The following MYO1E variants were observed in gnomAD, a reference collection of about 807,000 sequenced individuals.
MYO1E encodes the protein myosin IE.
In MYO1E, 68 loss-of-function variants were observed where a neutral mutation model predicts 151.1. That is an observed-to-expected ratio of 0.45 (90% CI 0.37 to 0.55). The LOEUF (loss-of-function observed/expected upper bound fraction) is 0.55. Among genes scored for constraint, MYO1E ranks in the 20% least tolerant of loss-of-function variants. The pLI is 0.00. For synonymous variants in MYO1E, 601 were observed against 501.7 expected (o/e 1.20, Z -2.64); for missense variants, 1,363 against 1,389.3 (o/e 0.98, Z 0.30).
chr15:59,173,773 T>C lies in MYO1E; in HGVS notation c.2307A>G (p.Thr769=), dbSNP rs1388337834. Residue 769 remains threonine, a synonymous_variant, in exon 21 of 28, where the codon ACA becomes ACG. Transcript: ENST00000288235. ...TGAACCTCCTGTCATACTTGGTGAC[T>C]GTGTCTGCGAAATCAATCTTCTCCC... ...GKREKIDFAD[T]VTKYDRRFKG... The C allele has an allele frequency of 1.9e-6, 3 of 1,614,098 alleles. No homozygotes were observed. Among genetic ancestry groups the C allele is most frequent in the Non-Finnish European group, 2.5e-6 (3 of 1,180,040 alleles).
chr15:59,339,726 A>G (rs890110112), intron 1 of MYO1E, among the ~76,000 whole-genome samples: 15 of 152,214 alleles, frequency 9.9e-5, no homozygotes, highest in African/African-American at 3.6e-4. Flanking sequence ...TGGTGGCTCC[A>G]GCCTGTAATC....
At chr15:59,339,887 G>A (rs1327465191) in intron 1 of MYO1E, among the ~76,000 whole-genome samples, 5 of 145,640 alleles carry the variant, frequency 3.4e-5, no homozygotes, top group African/African-American at 1.0e-4. Context: ...TTGCTCTGTC[G>A]CCTAGCCTGG....
intron 2 of MYO1E, among the ~76,000 whole-genome samples, chr15:59,262,539 G>A (rs2080230320): frequency 6.6e-6 from 1 of 151,984 alleles, no homozygotes; most frequent in South Asian, 2.1e-4. Flanking sequence ...GAGGCGGGAG[G>A]ATTGCTTGAG....
At chr15:59,212,372 C>T (rs1485745255) in intron 12 of MYO1E, among the ~76,000 whole-genome samples, 4 of 152,042 alleles carry the variant, frequency 2.6e-5, no homozygotes, top group Non-Finnish European at 4.4e-5. Flanking sequence ...CAGAAGGTCA[C>T]GTGAAACCCC....
intron 4 of MYO1E, among the ~76,000 whole-genome samples, chr15:59,242,758 A>ACCTAGC (rs2080107715): frequency 6.6e-6 from 1 of 151,962 alleles, no homozygotes; most frequent in Admixed American, 6.6e-5. Flanking sequence ...ATGAGAAGAA[A>ACCTAGC]CCTAGCAGAT....
In MYO1E at chr15:59,178,403, G is replaced by A. The variant is rs1318666308; in HGVS notation, c.2039C>T (p.Ala680Val). Residue 680 changes from alanine (A) to valine (V), a missense_variant, in exon 19 of 28, where the codon GCC becomes GTC. Transcript: ENST00000288235. ...QLGRSKVFIK[A>V]PESLFLLEEM... Reference sequence around the variant, plus strand: ...CAGCCAAGCACTCACAGACTCGGGGGCTTTGATGAACACTTTACTCCTCCC... The same window carrying A: ...CAGCCAAGCACTCACAGACTCGGGGACTTTGATGAACACTTTACTCCTCCC... The A allele has an allele frequency of 5.6e-6, 9 of 1,614,110 alleles. No individual in the cohort carries two copies. Among genetic ancestry groups the A allele is most frequent in the African/African-American group, 1.3e-5 (1 of 74,934 alleles).
intron 14 of MYO1E, chr15:59,207,983 G>T (rs751667921): frequency 6.2e-7 from 1 of 1,614,012 alleles, no homozygotes; most frequent in Admixed American, 1.7e-5. Context: ...GGAGAGAACG[G>T]TATTACCAAC....
chr15:59,208,666 G>A lies in MYO1E; in HGVS notation c.1530+15C>T, dbSNP rs1487298958. The A allele has an allele frequency of 6.2e-7, 1 of 1,614,050 alleles. No homozygotes were observed. Among genetic ancestry groups the A allele is most frequent in the East Asian group, 2.2e-5 (1 of 44,890 alleles). On this transcript the variant is annotated intron_variant, in intron 14 of 27. Transcript: ENST00000288235. ...GCTTAAAACAGATAGACATTAAAAT[G>A]GATATTGGCCATACCTTCCCAGCAT...
intron 19 of MYO1E, among the ~76,000 whole-genome samples, chr15:59,174,504 C>T (rs539625765): frequency 6.6e-6 from 1 of 152,248 alleles, no homozygotes; most frequent in African/African-American, 2.4e-5. Context: ...CTTGTCCTGC[C>T]TTGCTACAGT....
At chr15:59,195,596 T>A (rs2079761695) in intron 16 of MYO1E, 29 bp from the exon 17 acceptor site, 5 of 1,584,726 alleles carry the variant, frequency 3.2e-6, no homozygotes, top group Non-Finnish European at 4.3e-6. Flanking sequence ...ATCAGAATCA[T>A]GGAACTTTCT....
chr15:59,256,949 G>T (rs2080197248), intron 3 of MYO1E, among the ~76,000 whole-genome samples: 1 of 152,136 alleles, frequency 6.6e-6, no homozygotes, highest in South Asian at 2.1e-4. Flanking sequence ...GTTCTTTAAA[G>T]GGATAAGCTA....
chr15:59,308,534 T>C (rs1322930866), intron 1 of MYO1E, among the ~76,000 whole-genome samples: 1 of 151,822 alleles, frequency 6.6e-6, no homozygotes, highest in Non-Finnish European at 1.5e-5. Context: ...TAGCCAGGTG[T>C]GGGGGCCCAC....
rs1241118820 is a variant in MYO1E, at chr15:59,138,380, T to C, written c.3081-13A>G. 6.2e-7 allele frequency: 1 copy of C among 1,613,246 alleles called. No individual in the cohort carries two copies. The highest frequency in any genetic ancestry group is 8.5e-7 in the Non-Finnish European group (1 of 1,179,800). On this transcript the variant is annotated splice_polypyrimidine_tract_variant and intron_variant, in intron 26 of 27. Coordinates refer to ENST00000288235, the MANE Select transcript of MYO1E (RefSeq NM_004998.4). ...TTGTCTCCTGACCCTGTGGAGAGAGTGGAGCAGATGAGACTGGGCCCCAAC... is the reference window on the plus strand; with the variant it reads ...TTGTCTCCTGACCCTGTGGAGAGAGCGGAGCAGATGAGACTGGGCCCCAAC...
At chr15:59,224,332 C>G (rs1471291856) in intron 8 of MYO1E, among the ~76,000 whole-genome samples, 1 of 152,192 alleles carries the variant, frequency 6.6e-6, no homozygotes, top group Non-Finnish European at 1.5e-5. Context: ...CTATTCAGTC[C>G]ATAGACGTGC....
intron 22 of MYO1E, among the ~76,000 whole-genome samples, chr15:59,169,337 T>C (rs2079578989): frequency 6.6e-6 from 1 of 152,188 alleles, no homozygotes; most frequent in African/African-American, 2.4e-5. Flanking sequence ...AGTACTGAAG[T>C]ATTTTGAGAA....
intron 18 of MYO1E, among the ~76,000 whole-genome samples, chr15:59,179,683 G>C (rs1350501781): frequency 2.0e-5 from 3 of 152,140 alleles, no homozygotes; most frequent in Admixed American, 6.5e-5. Flanking sequence ...ATCCCTCTCT[G>C]TCTCTTTCAT....
chr15:59,296,635 G>T (rs1324760145), intron 1 of MYO1E, among the ~76,000 whole-genome samples: 1 of 152,126 alleles, frequency 6.6e-6, no homozygotes, highest in African/African-American at 2.4e-5. Context: ...TGATTTTGGA[G>T]GAAGGGTGAG....
intron 1 of MYO1E, among the ~76,000 whole-genome samples, chr15:59,336,239 C>T (rs973726463): frequency 2.0e-5 from 3 of 151,634 alleles, no homozygotes; most frequent in African/African-American, 4.9e-5. Context: ...GGTGCGATGG[C>T]GTGGCCCTGT....
At chr15:59,163,427 ATAAG>A (rs2079548890) in intron 22 of MYO1E, 124 bp from the exon 23 acceptor site, 4 of 947,100 alleles carry the variant, frequency 4.2e-6, no homozygotes, top group Middle Eastern at 3.3e-4. Flanking sequence ...CTTTCTTTCT[ATAAG>A]TAATAATCTT....
Sources: allele counts gnomAD v4.1 joint callset (sites outside exome capture counted in the v4.1 genomes callset), GRCh38; gene constraint gnomAD v4.1.1; transcripts MANE v1.5; gene names NCBI Gene and HGNC (gene_info 2026-07-23, HGNC 2026-07-21).